ERBB4: variants seen among roughly 807,000 people sequenced by gnomAD.
ERBB4 encodes erb-b2 receptor tyrosine kinase 4, also known as receptor tyrosine-protein kinase erbB-4.
A neutral mutation model predicts 158.0 loss-of-function variants in ERBB4; 42 were observed. That is an observed-to-expected ratio of 0.27 (90% CI 0.21 to 0.34). ERBB4 has a LOEUF of 0.34. ERBB4 is among the 10% of genes least tolerant of loss of function. The pLI is 1.00. For synonymous variants in ERBB4, 583 were observed against 558.7 expected (o/e 1.04, Z -0.61); for missense variants, 1,333 against 1,624.1 (o/e 0.82, Z 3.08).
At chr2:212,308,056 T>A (rs2086878944) in intron 1 of ERBB4, among the ~76,000 whole-genome samples, 1 of 151,024 alleles carries the variant, frequency 6.6e-6, no homozygotes, top group African/African-American at 2.4e-5. Context: ...CCAAAAAAAA[T>A]TCCTCCACAA....
intron 3 of ERBB4, among the ~76,000 whole-genome samples, chr2:211,906,937 T>C (rs1286563614): frequency 1.3e-5 from 2 of 151,642 alleles, no homozygotes; most frequent in Admixed American, 1.3e-4. Context: ...GTGCCTTAGT[T>C]ATGGTCATTG....
rs79121360 is a variant in ERBB4 at position 211,495,200 on chromosome 2, T to C, written c.2488-64100A>G. Among the ~76,000 whole-genome samples the C allele has an allele frequency of 6.1e-3, 928 of 152,138 alleles. 18 individuals are homozygous for C. The highest frequency in any genetic ancestry group is 0.021 in the African/African-American group (878 of 41,562). On this transcript the variant is annotated intron_variant, in intron 20 of 27. Transcript: ENST00000342788. Reference sequence around the variant, plus strand: ...AATCTGTTCTTAGAGATAAAAAAGATTGTTTAATATAACAATACATTGAAA... The same window carrying C: ...AATCTGTTCTTAGAGATAAAAAAGACTGTTTAATATAACAATACATTGAAA...
intron 20 of ERBB4, among the ~76,000 whole-genome samples, chr2:211,468,593 C>T (rs1286940048): frequency 1.3e-5 from 2 of 152,038 alleles, no homozygotes; most frequent in Admixed American, 6.6e-5. Context: ...GAAACGCCCC[C>T]CAAGTCTACA....
At chr2:211,961,383 T>A (rs537553703) in intron 2 of ERBB4, among the ~76,000 whole-genome samples, 1 of 152,298 alleles carries the variant, frequency 6.6e-6, no homozygotes, top group African/African-American at 2.4e-5. Context: ...TCTGCAACTG[T>A]GACACAAATC....
chr2:212,004,511 T>G (rs888220470), intron 2 of ERBB4, among the ~76,000 whole-genome samples: 1 of 152,208 alleles, frequency 6.6e-6, no homozygotes, highest in Non-Finnish European at 1.5e-5. Flanking sequence ...CAATTGGGTT[T>G]GCAATAAGTC....
At chr2:211,858,603 T>A (rs1198646573) in intron 3 of ERBB4, among the ~76,000 whole-genome samples, 2 of 150,118 alleles carry the variant, frequency 1.3e-5, no homozygotes, top group Admixed American at 6.7e-5. Flanking sequence ...TTTTTTTTTA[T>A]TTTGGCCAGC....
At chr2:211,514,527 A>C (rs1272816190) in intron 20 of ERBB4, among the ~76,000 whole-genome samples, 1 of 152,200 alleles carries the variant, frequency 6.6e-6, no homozygotes, top group Non-Finnish European at 1.5e-5. Flanking sequence ...CTCAATCTTC[A>C]CTACTTGGAG....
intron 1 of ERBB4, among the ~76,000 whole-genome samples, chr2:212,369,255 G>A (rs558440958): frequency 1.3e-5 from 2 of 152,248 alleles, no homozygotes; most frequent in East Asian, 3.9e-4. Flanking sequence ...TGACAACAGT[G>A]GAGCTGAGTG....
At position 211,709,256 on chromosome 2, in the gene ERBB4, T is replaced by TATATATATATATATATACATACAC. The variant is rs1215802851; in HGVS notation, c.1124+2793_1124+2794insGTGTATGTATATATATATATATAT. Among the ~76,000 whole-genome samples, 29 of 71,146 alleles carry TATATATATATATATATACATACAC rather than the reference T, an allele frequency of 4.1e-4. No homozygotes were observed. In the East Asian group the frequency reaches 0.057, roughly 140 times the overall value. The allele number at this position is 71,146 out of a possible 152,430, so 46.7% of individuals were successfully genotyped here. Reference sequence around the variant, plus strand: ...GTGTGTATATATATATATATACACATATATATATATATATATATACATACA... The same window carrying TATATATATATATATATACATACAC: ...GTGTGTATATATATATATATACACATATATATATATATATATACATACACATATATATATATATATATACATACA... On this transcript the variant is annotated intron_variant, in intron 9 of 27. Coordinates refer to ENST00000342788, the MANE Select transcript of ERBB4 (RefSeq NM_005235.3).
At chr2:212,307,785 T>G (rs371945532) in intron 1 of ERBB4, among the ~76,000 whole-genome samples, 1 of 151,194 alleles carries the variant, frequency 6.6e-6, no homozygotes, top group Non-Finnish European at 1.5e-5. Context: ...GGTAACATGA[T>G]GCAAATTAAT....
chr2:211,640,222 T>C (rs75075774), intron 16 of ERBB4, among the ~76,000 whole-genome samples: 2,500 of 152,274 alleles, frequency 0.016, 83 homozygotes, highest in African/African-American at 0.057. Context: ...GAAGTATCAC[T>C]ACTCTTTATT....
At chr2:212,178,313 T>TCCCC (rs2081742962) in intron 1 of ERBB4, among the ~76,000 whole-genome samples, 1 of 151,452 alleles carries the variant, frequency 6.6e-6, no homozygotes, top group African/African-American at 2.4e-5. Context: ...GAAAAGCAAT[T>TCCCC]AAGAGGACAC....
intron 15 of ERBB4, 91 bp from the exon 16 acceptor site, chr2:211,657,919 G>T (rs868822051): frequency 6.2e-7 from 1 of 1,609,386 alleles, no homozygotes; most frequent in East Asian, 2.2e-5. Context: ...AGCCTTGGAG[G>T]AAGAACATGG....
chr2:211,580,899 A>C (rs1225135833), intron 19 of ERBB4, among the ~76,000 whole-genome samples: 1 of 5,584 alleles, frequency 1.8e-4, no homozygotes, highest in Non-Finnish European at 3.5e-4. Flanking sequence ...ATATATATAT[A>C]TATATATATA....
At chr2:211,484,586 A>G (rs761459894) in intron 20 of ERBB4, among the ~76,000 whole-genome samples, 10 of 152,212 alleles carry the variant, frequency 6.6e-5, no homozygotes, top group Non-Finnish European at 1.2e-4. Flanking sequence ...AGTAGATTTC[A>G]GAGCAAAAAA....
intron 2 of ERBB4, among the ~76,000 whole-genome samples, chr2:212,059,899 A>G (rs180941255): frequency 6.6e-6 from 1 of 152,358 alleles, no homozygotes; most frequent in Admixed American, 6.5e-5. Flanking sequence ...CTTCATGTCT[A>G]AAACACCAAA....
At position 212,379,573 on chromosome 2, in the gene ERBB4, T is replaced by C. The variant is rs1227099337; in HGVS notation, c.82+158876A>G. Among the ~76,000 whole-genome samples, 4 of 151,840 alleles carry C rather than the reference T, an allele frequency of 2.6e-5. No homozygotes were observed. In the South Asian group the frequency reaches 6.2e-4, roughly 24 times the overall value. On this transcript the variant is annotated intron_variant, in intron 1 of 27. Coordinates refer to ENST00000342788, the MANE Select transcript of ERBB4 (RefSeq NM_005235.3). ...CAGAAAGATCTTTTTAAAAATTCTTTGTCAATCTATTGCCAAGAAGTCCAT... is the reference window on the plus strand; with the variant it reads ...CAGAAAGATCTTTTTAAAAATTCTTCGTCAATCTATTGCCAAGAAGTCCAT...
At chr2:212,435,904 G>T (rs1346706759) in intron 1 of ERBB4, among the ~76,000 whole-genome samples, 1 of 151,490 alleles carries the variant, frequency 6.6e-6, no homozygotes, top group Non-Finnish European at 1.5e-5. Context: ...AAATATTTTG[G>T]TGAAAGAAAA....
At chr2:211,480,122 T>TGTTA (rs1470642161) in intron 20 of ERBB4, among the ~76,000 whole-genome samples, 2 of 152,184 alleles carry the variant, frequency 1.3e-5, no homozygotes, top group Non-Finnish European at 2.9e-5. Flanking sequence ...TTTTTCTTCT[T>TGTTA]GTTACATGCA....
Sources: allele counts gnomAD v4.1 joint callset (sites outside exome capture counted in the v4.1 genomes callset), GRCh38; gene constraint gnomAD v4.1.1; transcripts MANE v1.5; gene names NCBI Gene and HGNC (gene_info 2026-07-23, HGNC 2026-07-21).